Variants in TDRD1 observed in about 807,000 individuals in gnomAD.
The protein encoded by TDRD1 is tudor domain containing 1.
Under a neutral mutation model 140.6 loss-of-function variants are expected in TDRD1, and 37 were observed. The observed-to-expected ratio is 0.26, with a 90% CI of 0.20 to 0.35. The LOEUF (loss-of-function observed/expected upper bound fraction) is 0.35, where lower values mean the gene tolerates loss of function less well. Ranked by LOEUF, TDRD1 falls within the 10% of genes least tolerant of loss-of-function variation. The pLI is 1.00. For synonymous variants in TDRD1, 506 were observed against 475.7 expected, an observed-to-expected ratio of 1.06 and a Z score of -0.83; for missense variants, 1,243 against 1,393.0, an observed-to-expected ratio of 0.89 and a Z score of 1.71.
At chr10:114,191,587 T>G (rs191499748) in intron 3 of TDRD1, among the ~76,000 whole-genome samples, 6 of 152,358 alleles carry the variant, frequency 3.9e-5, no homozygotes, top group Admixed American at 2.6e-4. Flanking sequence ...CTGAGTAGTA[T>G]TCCATGGTAT....
chr10:114,206,464 T>G, intron 11 of TDRD1, 134 bp downstream of exon 11: 2 of 614,352 alleles, frequency 3.3e-6, no homozygotes, highest in Non-Finnish European at 5.6e-6. Flanking sequence ...TTAAATACGC[T>G]GTTTTATATT....
In TDRD1 at chr10:114,222,841, G is replaced by A. The variant is rs12258763; in HGVS notation, c.3007+138G>A. On this transcript the variant is annotated intron_variant, in intron 21 of 25. Transcript: ENST00000251864. ...AGAAATTAAGGAAGGCAGTGTTGTG[G>A]ATTTAATTCATATGTTGGTCATTCA... 1,168 of 564,450 alleles carry A rather than the reference G, an allele frequency of 2.1e-3. 6 individuals are homozygous for A. The highest frequency in any genetic ancestry group is 1.7e-3 in the Non-Finnish European group (554 of 317,682). The allele number at this position is 564,450 out of a possible 1,614,324, so 35.0% of individuals were successfully genotyped here.
intron 10 of TDRD1, among the ~76,000 whole-genome samples, chr10:114,205,363 C>T (rs2035030561): frequency 6.6e-6 from 1 of 152,156 alleles, no homozygotes; most frequent in Non-Finnish European, 1.5e-5. Flanking sequence ...TGATGGGTGC[C>T]TCCCAGTTTC....
intron 10 of TDRD1, 95 bp downstream of exon 10, chr10:114,204,988 A>G: frequency 8.9e-7 from 1 of 1,125,376 alleles, no homozygotes; most frequent in Non-Finnish European, 1.2e-6. Flanking sequence ...GGCCAGGTAA[A>G]CTGCCCTCTG....
chr10:114,210,485 A>T (rs1025910943), intron 11 of TDRD1, 96 bp from the exon 12 acceptor site: 51 of 1,231,668 alleles, frequency 4.1e-5, no homozygotes, highest in Non-Finnish European at 5.1e-5. Context: ...TTGCAGTCAT[A>T]GTCATATTCG....
At chr10:114,217,925 T>A (rs977586479) in intron 17 of TDRD1, among the ~76,000 whole-genome samples, 1 of 152,220 alleles carries the variant, frequency 6.6e-6, no homozygotes, top group African/African-American at 2.4e-5. Flanking sequence ...ATGGAAGCGC[T>A]GTTCACAGCA....
At chr10:114,192,014 T>A (rs2033998928) in intron 3 of TDRD1, among the ~76,000 whole-genome samples, 1 of 152,156 alleles carries the variant, frequency 6.6e-6, no homozygotes, top group Non-Finnish European at 1.5e-5. Flanking sequence ...CATCTGTGCA[T>A]CTTTGGTGAA....
chr10:114,202,928 T>C, intron 6 of TDRD1, 144 bp from the exon 7 acceptor site: 1 of 661,686 alleles, frequency 1.5e-6, no homozygotes, highest in South Asian at 1.7e-5. Context: ...TTAGTGACTC[T>C]TGGAGGCCTT....
chr10:114,228,673 T>C, intron 25 of TDRD1: 5 of 985,448 alleles, frequency 5.1e-6, no homozygotes, highest in Non-Finnish European at 6.0e-6. Flanking sequence ...CTAAAGAACA[T>C]ACTGGTGAGT....
intron 1 of TDRD1, among the ~76,000 whole-genome samples, chr10:114,184,500 G>A (rs1253965087): frequency 1.3e-5 from 2 of 152,184 alleles, no homozygotes; most frequent in African/African-American, 4.8e-5. Flanking sequence ...AGGGGTGAAG[G>A]CCTGTGCTAG....
chr10:114,185,912 T>C (rs1028370775), intron 1 of TDRD1, among the ~76,000 whole-genome samples: 8 of 152,198 alleles, frequency 5.3e-5, no homozygotes, highest in African/African-American at 1.9e-4. Flanking sequence ...TTTAGTTGTT[T>C]GCATAGCACA....
At chr10:114,177,089 GA>G (rs994991132), upstream of TDRD1, among the ~76,000 whole-genome samples, 86 of 150,658 alleles carry the variant, frequency 5.7e-4, no homozygotes, top group African/African-American at 1.7e-3. Flanking sequence ...TATAAAATAA[GA>G]AAAAAAAAGT....
chr10:114,221,626 T>A, intron 20 of TDRD1, 150 bp downstream of exon 20: 1 of 730,348 alleles, frequency 1.4e-6, no homozygotes, highest in Non-Finnish European at 2.2e-6. Context: ...CAAATTTAGT[T>A]ACGAAACACT....
chr10:114,227,694 A>T (rs1343961355), intron 23 of TDRD1, among the ~76,000 whole-genome samples: 1 of 152,230 alleles, frequency 6.6e-6, no homozygotes, highest in Non-Finnish European at 1.5e-5. Flanking sequence ...AAAAAGAGAG[A>T]TGATTGACAA....
chr10:114,180,366 C>A (rs994371680), intron 1 of TDRD1, among the ~76,000 whole-genome samples: 1 of 152,186 alleles, frequency 6.6e-6, no homozygotes, highest in South Asian at 2.1e-4. Context: ...GTGATTTGCC[C>A]AAGATAGCGT....
chr10:114,232,265 A>T (rs987712831), exon 26 of TDRD1: 5 of 151,360 alleles, frequency 3.3e-5, no homozygotes, highest in African/African-American at 1.2e-4. Context: ...GATAGAATTT[A>T]CTGTTTCTGA....
intron 1 of TDRD1, among the ~76,000 whole-genome samples, chr10:114,181,364 G>A (rs2033047743): frequency 6.6e-6 from 1 of 152,222 alleles, no homozygotes; most frequent in East Asian, 1.9e-4. Flanking sequence ...GGTGAGGTTA[G>A]CCGATGTGGC....
chr10:114,187,064 A>C (rs946140924), intron 1 of TDRD1, among the ~76,000 whole-genome samples: 6 of 152,170 alleles, frequency 3.9e-5, no homozygotes, highest in African/African-American at 1.4e-4. Context: ...GGCACTTAGA[A>C]TTCTTTAAGA....
intron 4 of TDRD1, among the ~76,000 whole-genome samples, chr10:114,200,682 C>A (rs926540330): frequency 1.3e-5 from 2 of 152,020 alleles, no homozygotes; most frequent in Non-Finnish European, 2.9e-5. Context: ...CACCACCACA[C>A]TGGGCTTATT....
Sources: allele counts gnomAD v4.1 joint callset (sites outside exome capture counted in the v4.1 genomes callset), GRCh38; gene constraint gnomAD v4.1.1; transcripts MANE v1.5; gene names NCBI Gene and HGNC (gene_info 2026-07-23, HGNC 2026-07-21).